Variants in PCYT1B observed in about 807,000 individuals in gnomAD.
PCYT1B encodes the protein choline-phosphate cytidylyltransferase B.
PCYT1B carries 10 observed loss-of-function variants against 26.4 expected under a neutral mutation model. The observed-to-expected ratio is 0.38, with a 90% CI of 0.23 to 0.64. The LOEUF (loss-of-function observed/expected upper bound fraction) is 0.64. Among genes scored for constraint, PCYT1B ranks in the 30% least tolerant of loss-of-function variants. The pLI is 0.56. For synonymous variants in PCYT1B, 131 were observed against 108.4 expected, an observed-to-expected ratio of 1.21 and a Z score of -1.29; for missense variants, 161 against 292.7, an observed-to-expected ratio of 0.55 and a Z score of 3.28.
intron 3 of PCYT1B, among the ~76,000 whole-genome samples, chrX:24,605,601 T>A (rs770750257): frequency 2.7e-5 from 3 of 112,011 alleles, no homozygotes; most frequent in Non-Finnish European, 3.8e-5. Flanking sequence ...GAAAAATGCC[T>A]GGCACATAGT....
intron 1 of PCYT1B, among the ~76,000 whole-genome samples, chrX:24,670,042 CAAAA>C (rs1324854345): frequency 3.9e-5 from 2 of 50,756 alleles, no homozygotes; most frequent in East Asian, 6.0e-4. Flanking sequence ...GACCTTGTCT[CAAAA>C]AAAAAGAAAG....
chrX:24,572,818 C>A (rs1923874824), intron 7 of PCYT1B, among the ~76,000 whole-genome samples: 1 of 108,460 alleles, frequency 9.2e-6, no homozygotes, highest in African/African-American at 3.3e-5. Context: ...TTAAAAATCA[C>A]CTTGGCTTGC....
intron 5 of PCYT1B, among the ~76,000 whole-genome samples, chrX:24,580,892 A>G (rs1458031657): frequency 3.6e-5 from 4 of 111,541 alleles, no homozygotes; most frequent in East Asian, 2.8e-4. Flanking sequence ...ACTTAACTGT[A>G]GTCTCCTCAG....
intron 7 of PCYT1B, among the ~76,000 whole-genome samples, chrX:24,572,498 C>T (rs145207587): frequency 8.1e-4 from 91 of 111,742 alleles, no homozygotes; most frequent in African/African-American, 2.9e-3. Flanking sequence ...CTATTTTGTG[C>T]CTTTCCAAGT....
intron 7 of PCYT1B, 119 bp downstream of exon 7, chrX:24,575,011 G>T: frequency 2.0e-6 from 1 of 501,475 alleles, no homozygotes; most frequent in Non-Finnish European, 3.2e-6. Flanking sequence ...TCAGGCTGAT[G>T]CCTAAAGTAG....
intron 1 of PCYT1B, among the ~76,000 whole-genome samples, chrX:24,644,627 C>A (rs185451239): frequency 8.9e-6 from 1 of 111,785 alleles, no homozygotes; most frequent in Non-Finnish European, 1.9e-5. Context: ...CAGTGTGACC[C>A]TTGGGCAAGT....
intron 1 of PCYT1B, among the ~76,000 whole-genome samples, chrX:24,621,093 A>G (rs1041486378): frequency 2.7e-5 from 3 of 112,040 alleles, no homozygotes; most frequent in African/African-American, 9.7e-5. Context: ...TCATCTTTTC[A>G]AATCAGGCCT....
chrX:24,646,026 C>T (rs899235010), intron 1 of PCYT1B, among the ~76,000 whole-genome samples: 21 of 111,733 alleles, frequency 1.9e-4, no homozygotes, highest in African/African-American at 5.9e-4. Flanking sequence ...CAAAATATTC[C>T]ACCTTTTAAC....
Position 24,558,133 on chromosome X carries a change from G to A in PCYT1B, c.*4160C>T, listed in dbSNP as rs910326595. 9.8e-5 allele frequency: 11 copies of A among 111,786 alleles called. No homozygotes were observed. The highest frequency in any genetic ancestry group is 3.6e-4 in the African/African-American group (11 of 30,587). 9.2% of individuals were successfully genotyped at this position (111,786 alleles called of 1,213,427 possible). A position where few individuals can be genotyped will look rare whatever the true frequency, so the allele number is the denominator to read the frequency against. Reference sequence around the variant, plus strand: ...TTATAAACGAGTTGAGAATGGTGTGGTCCATTTGAGAGCAAGAATGGGATA... The same window carrying A: ...TTATAAACGAGTTGAGAATGGTGTGATCCATTTGAGAGCAAGAATGGGATA... On this transcript the variant is annotated 3_prime_UTR_variant, in exon 8 of 8. Coordinates refer to ENST00000379144, the MANE Select transcript of PCYT1B (RefSeq NM_004845.5).
At chrX:24,596,842 C>T (rs1011556328) in intron 3 of PCYT1B, among the ~76,000 whole-genome samples, 1 of 111,496 alleles carries the variant, frequency 9.0e-6, no homozygotes, top group Non-Finnish European at 1.9e-5. Flanking sequence ...TACAGCAAAC[C>T]TACCTGCATA....
At chrX:24,651,464 AAAAAAAAAATATATATAT>A (rs1243776833), upstream of PCYT1B, among the ~76,000 whole-genome samples, 8 of 28,292 alleles carry the variant, frequency 2.8e-4, 1 homozygote, top group African/African-American at 9.6e-4. Flanking sequence ...CAAAAAAAAA[AAAAAAAAAATATATATAT>A]ATATATATAT....
At chrX:24,593,366 G>A (rs991813276) in intron 3 of PCYT1B, among the ~76,000 whole-genome samples, 19 of 96,711 alleles carry the variant, frequency 2.0e-4, no homozygotes, top group Admixed American at 2.2e-4. Context: ...TCTTTCTTTC[G>A]TTTCTTTCTT....
chrX:24,602,630 A>G (rs937891665), intron 3 of PCYT1B, among the ~76,000 whole-genome samples: 1 of 111,156 alleles, frequency 9.0e-6, no homozygotes, highest in Non-Finnish European at 1.9e-5. Flanking sequence ...AGAAAGGAGT[A>G]TACAAGGATT....
intron 4 of PCYT1B, among the ~76,000 whole-genome samples, chrX:24,589,479 T>C (rs1209711882): frequency 8.9e-6 from 1 of 111,976 alleles, no homozygotes; most frequent in South Asian, 3.7e-4. Flanking sequence ...ATCATAGATA[T>C]AAAGTTCTTT....
intron 1 of PCYT1B, chrX:24,621,767 A>G (rs1407515060): frequency 5.2e-6 from 2 of 384,726 alleles, no homozygotes; most frequent in Non-Finnish European, 6.6e-6. Context: ...CCTTTTTCAC[A>G]TGACCTAAAA....
At chrX:24,672,751 A>T, upstream of PCYT1B, 1 of 539,370 alleles carries the variant, frequency 1.9e-6, no homozygotes, top group South Asian at 3.1e-5. Flanking sequence ...CTCTGTGCCC[A>T]GCGCTCAAAG....
At chrX:24,664,262 C>T (rs1927083060) in intron 1 of PCYT1B, among the ~76,000 whole-genome samples, 3 of 111,628 alleles carry the variant, frequency 2.7e-5, no homozygotes, top group Admixed American at 1.9e-4. Context: ...ACCAAAATTT[C>T]TTGATGAACC....
rs781579741 is a variant in PCYT1B, at chrX:24,637,878, G to C, written c.117+9111C>G. On this transcript the variant is annotated intron_variant, in intron 1 of 7. Coordinates refer to ENST00000379144, the MANE Select transcript of PCYT1B (RefSeq NM_004845.5). The stretch of plus-strand genomic sequence containing the variant: ...CTTGCCCATGGAGAAAAAGGAGTGA[G>C]ACCACTAGCCTTGCATCCCATATAG... Among the ~76,000 whole-genome samples the C allele has an allele frequency of 3.6e-5, 4 of 109,594 alleles. No individual in the cohort carries two copies. In the South Asian group the frequency reaches 1.6e-3, roughly 44 times the overall value.
chrX:24,585,751 A>G (rs1924351623), intron 5 of PCYT1B, among the ~76,000 whole-genome samples: 1 of 111,858 alleles, frequency 8.9e-6, no homozygotes, highest in Non-Finnish European at 1.9e-5. Flanking sequence ...CAAACCTAGA[A>G]GAGTCTGAAT....
Sources: allele counts gnomAD v4.1 joint callset (sites outside exome capture counted in the v4.1 genomes callset), GRCh38; gene constraint gnomAD v4.1.1; transcripts MANE v1.5; gene names NCBI Gene and HGNC (gene_info 2026-07-23, HGNC 2026-07-21).